Variants in LHFPL4 observed in about 807,000 individuals in gnomAD.
LHFPL4 encodes LHFPL tetraspan subfamily member 4 protein.
LHFPL4 carries 6 observed loss-of-function variants against 20.0 expected under a neutral mutation model. The ratio of observed to expected loss-of-function variants is 0.30; its 90% CI spans 0.16 to 0.59. LHFPL4 has a LOEUF of 0.59. LHFPL4 is among the 20% of genes least tolerant of loss of function. The pLI, the probability that LHFPL4 is intolerant of heterozygous loss-of-function variation, is 0.88. For missense variants in LHFPL4, 215 were observed against 331.2 expected, an observed-to-expected ratio of 0.65 and a Z score of 2.72; for synonymous variants, 129 against 143.8, an observed-to-expected ratio of 0.90 and a Z score of 0.74.
chr3:9,539,452 C>T (rs1228834111), intron 2 of LHFPL4, among the ~76,000 whole-genome samples: 3 of 91,698 alleles, frequency 3.3e-5, no homozygotes, highest in Admixed American at 1.1e-4. Flanking sequence ...GAAACTTCGT[C>T]TCAAAAAAAA....
At chr3:9,541,644 T>G (rs2046477104) in intron 2 of LHFPL4, among the ~76,000 whole-genome samples, 1 of 151,898 alleles carries the variant, frequency 6.6e-6, no homozygotes, top group Admixed American at 6.6e-5. Flanking sequence ...TGGTGGCGTG[T>G]GCCTGTAATC....
chr3:9,507,476 G>A (rs2046227211), intron 2 of LHFPL4, among the ~76,000 whole-genome samples: 1 of 152,228 alleles, frequency 6.6e-6, no homozygotes, highest in South Asian at 2.1e-4. Context: ...GCAGCAAAGT[G>A]TAAAGTGCCT....
intron 2 of LHFPL4, chr3:9,551,018 G>A (rs1424451431): frequency 6.6e-6 from 1 of 152,118 alleles, no homozygotes; most frequent in Non-Finnish European, 1.5e-5. Context: ...CTCTATACTT[G>A]ATCTGGAGTG....
chr3:9,548,332 G>A (rs538055770), intron 2 of LHFPL4, among the ~76,000 whole-genome samples: 1 of 152,326 alleles, frequency 6.6e-6, no homozygotes, highest in South Asian at 2.1e-4. Context: ...AGTCATAGCA[G>A]TATCCAACTG....
At chr3:9,535,074 T>A (rs148658400) in intron 2 of LHFPL4, among the ~76,000 whole-genome samples, 164 of 152,326 alleles carry the variant, frequency 1.1e-3, no homozygotes, top group African/African-American at 3.9e-3. Context: ...AGCTCTTTCA[T>A]ACCACAGAGT....
chr3:9,500,963 TCA>T lies in LHFPL4; in HGVS notation c.*1246_*1247del, dbSNP rs1223951476. The T allele has an allele frequency of 6.6e-6, 1 of 151,950 alleles. No individual in the cohort carries two copies. Among genetic ancestry groups the T allele is most frequent in the East Asian group, 1.9e-4 (1 of 5,154 alleles). The allele number at this position is 151,950 out of a possible 1,614,324, so 9.4% of individuals were successfully genotyped here. A position where few individuals can be genotyped will look rare whatever the true frequency, so the allele number is the denominator to read the frequency against. On this transcript the variant is annotated 3_prime_UTR_variant, in exon 4 of 4. Coordinates refer to ENST00000287585, the MANE Select transcript of LHFPL4 (RefSeq NM_198560.3). Reference sequence around the variant, plus strand: ...CCAACACACACACACACACACACGCTCACACGCGCACACACACGCACACACAT... The same window carrying T: ...CCAACACACACACACACACACACGCTCACGCGCACACACACGCACACACAT...
In LHFPL4 at chr3:9,530,716, C is replaced by A. The variant is rs558042078; in HGVS notation, c.406+21558G>T. On this transcript the variant is annotated intron_variant, in intron 2 of 3. Coordinates refer to ENST00000287585, the MANE Select transcript of LHFPL4 (RefSeq NM_198560.3). ...TTGGCTTATCTCAGTTTTGACACAC[C>A]TTCCTCACTACTTCATCATTAACAG... Among the ~76,000 whole-genome samples the A allele has an allele frequency of 2.6e-5, 4 of 152,110 alleles. No homozygotes were observed. In the South Asian group the frequency reaches 8.3e-4, roughly 32 times the overall value.
At chr3:9,547,669 A>C (rs1359952708) in intron 2 of LHFPL4, among the ~76,000 whole-genome samples, 1 of 152,200 alleles carries the variant, frequency 6.6e-6, no homozygotes, top group African/African-American at 2.4e-5. Context: ...CGGGTAAAAA[A>C]CGTAGCAGAG....
intron 2 of LHFPL4, among the ~76,000 whole-genome samples, chr3:9,531,393 AC>A (rs1258208881): frequency 1.3e-5 from 2 of 152,224 alleles, no homozygotes; most frequent in Non-Finnish European, 2.9e-5. Context: ...GCCTGCATAT[AC>A]GCTTGAGTAT....
intron 3 of LHFPL4, among the ~76,000 whole-genome samples, chr3:9,502,642 G>T (rs1298848491): frequency 1.3e-5 from 2 of 151,488 alleles, no homozygotes; most frequent in Non-Finnish European, 2.9e-5. Context: ...GGCAGAGATT[G>T]CAGTGAGCCA....
chr3:9,549,088 C>A (rs1199041720), intron 2 of LHFPL4, among the ~76,000 whole-genome samples: 2 of 152,152 alleles, frequency 1.3e-5, no homozygotes, highest in East Asian at 3.9e-4. Flanking sequence ...AGCCGATAAA[C>A]CCTAGCCTCT....
chr3:9,509,813 TA>T, intron 2 of LHFPL4, among the ~76,000 whole-genome samples: 1 of 152,314 alleles, frequency 6.6e-6, no homozygotes, highest in East Asian at 1.9e-4. Flanking sequence ...AGAGATAGCC[TA>T]GGCCAAGGAA....
intron 2 of LHFPL4, among the ~76,000 whole-genome samples, chr3:9,513,028 C>T (rs62246345): frequency 1.1e-4 from 16 of 151,906 alleles, no homozygotes; most frequent in Non-Finnish European, 1.6e-4. Context: ...GCCGCGATCT[C>T]GGCTCACTGC....
chr3:9,536,507 A>C (rs1001921164), intron 2 of LHFPL4, among the ~76,000 whole-genome samples: 2 of 151,696 alleles, frequency 1.3e-5, no homozygotes, highest in African/African-American at 4.8e-5. Context: ...CCAGCACCAG[A>C]CCCCTTCTCT....
At position 9,498,572 on chromosome 3, in the gene LHFPL4, A is replaced by G. The variant is rs1053314774; in HGVS notation, c.*3639T>C. On this transcript the variant is annotated 3_prime_UTR_variant, in exon 4 of 4. Transcript: ENST00000287585. ...AGCACAGGCCCTCGGAGGCCTGCCC[A>G]TCAGAGCTCTGCGGAAGGCTCCCTT... is the stretch of plus-strand genomic sequence containing the variant. 6.5e-6 allele frequency: 1 copy of G among 152,726 alleles called. No individual in the cohort carries two copies. The allele number at this position is 152,726 out of a possible 1,614,324, so 9.5% of individuals were successfully genotyped here.
intron 2 of LHFPL4, among the ~76,000 whole-genome samples, chr3:9,519,607 G>T (rs2046325582): frequency 6.6e-6 from 1 of 152,076 alleles, no homozygotes; most frequent in Admixed American, 6.6e-5. Context: ...TCAACAGGTT[G>T]TAGTGCAGTG....
intron 2 of LHFPL4, among the ~76,000 whole-genome samples, chr3:9,538,322 CCGA>C (rs1480807074): frequency 6.6e-6 from 1 of 152,072 alleles, no homozygotes; most frequent in African/African-American, 2.4e-5. Flanking sequence ...GGAATAAGAC[CCGA>C]ACTCCAAAGC....
chr3:9,506,129 C>T lies in LHFPL4; in HGVS notation c.481G>A (p.Ala161Thr), dbSNP rs1254319082. The stretch of plus-strand genomic sequence containing the variant: ...CCCAGGGAGTACTTCCCCGTCTTGG[C>T]CCCACACATGTCCCGGATGGTCTCG... ...DAETIRDMCG[A>T]KTGKYSLGDC... is the part of the protein sequence containing the mutation. Residue 161 changes from alanine to threonine, a missense_variant, in exon 3 of 4, where the codon GCC becomes ACC. Coordinates refer to ENST00000287585, the MANE Select transcript of LHFPL4 (RefSeq NM_198560.3). The surrounding 1 kb of genome is among the most constrained non-coding windows in gnomAD (Gnocchi z 4.5). 1.9e-6 allele frequency: 3 copies of T among 1,614,040 alleles called. No homozygotes were observed. The highest frequency in any genetic ancestry group is 2.7e-5 in the African/African-American group (2 of 74,908).
chr3:9,532,500 C>T (rs2046416203), intron 2 of LHFPL4, among the ~76,000 whole-genome samples: 1 of 152,054 alleles, frequency 6.6e-6, no homozygotes, highest in South Asian at 2.1e-4. Flanking sequence ...GCCACCACAC[C>T]CAGCTAATTT....
Sources: gnomAD v4.1 joint callset for allele counts (sites outside exome capture counted in the v4.1 genomes callset) on GRCh38, gnomAD v4.1.1 for gene constraint, Gnocchi (gnomAD v3.1) non-coding constraint, MANE v1.5 for transcripts, NCBI Gene and HGNC (gene_info 2026-07-23, HGNC 2026-07-21) for gene names.